MBD5: variants seen among roughly 807,000 people sequenced by gnomAD.
MBD5 encodes methyl-CpG-binding domain protein 5.
MBD5 carries 13 observed loss-of-function variants against 117.3 expected under a neutral mutation model. That is an observed-to-expected ratio of 0.11 (90% CI 0.07 to 0.18). The LOEUF (loss-of-function observed/expected upper bound fraction) is 0.18. Ranked by LOEUF, MBD5 falls within the 10% of genes least tolerant of loss-of-function variation. MBD5 has a pLI of 1.00. For missense variants in MBD5, 1,879 were observed against 2,093.8 expected (o/e 0.90, Z 2.00); for synonymous variants, 727 against 766.4 (o/e 0.95, Z 0.85).
chr2:148,423,229 A>G (rs1266599294), intron 4 of MBD5, among the ~76,000 whole-genome samples: 1 of 152,150 alleles, frequency 6.6e-6, no homozygotes, highest in African/African-American at 2.4e-5. Context: ...CTAACAGCAG[A>G]TCTCTCAGCA....
At chr2:148,382,538 CA>C (rs780125532) in intron 4 of MBD5, among the ~76,000 whole-genome samples, 6 of 152,140 alleles carry the variant, frequency 3.9e-5, no homozygotes, top group Non-Finnish European at 8.8e-5. Context: ...CAACATTAGA[CA>C]GATCAACGAG....
chr2:148,489,550 T>C lies in MBD5; in HGVS notation c.3918T>C (p.Asp1306=), dbSNP rs1004247100. ...CATCTCTTGGTCAACAGGTGAAGGATGGCCTCGTTGTGGGTGGCCCAGGTG... is the reference window on the plus strand; with the variant it reads ...CATCTCTTGGTCAACAGGTGAAGGACGGCCTCGTTGTGGGTGGCCCAGGTG... ...IDPSLGQQVK[D]GLVVGGPGDA... The change falls in exon 11 of 14, where the codon GAT becomes GAC. Residue 1306 remains aspartate (D), a synonymous_variant. Coordinates refer to ENST00000642680, the MANE Select transcript of MBD5 (RefSeq NM_001378120.1). The C allele has an allele frequency of 1.2e-6, 2 of 1,614,098 alleles. No individual in the cohort carries two copies. The highest frequency in any genetic ancestry group is 2.7e-5 in the African/African-American group (2 of 74,932).
At chr2:148,198,585 T>C (rs1267549596) in intron 2 of MBD5, among the ~76,000 whole-genome samples, 11 of 152,128 alleles carry the variant, frequency 7.2e-5, no homozygotes, top group African/African-American at 2.4e-4. Context: ...ATATTAGATA[T>C]AAGCACTTTG....
At chr2:148,052,451 C>G (rs1035652100) in intron 1 of MBD5, among the ~76,000 whole-genome samples, 2 of 152,206 alleles carry the variant, frequency 1.3e-5, no homozygotes, top group African/African-American at 4.8e-5. Context: ...CTCAGGTGAT[C>G]CACCTGCCTT....
At chr2:148,277,918 G>T (rs1306370746) in intron 3 of MBD5, among the ~76,000 whole-genome samples, 1 of 152,144 alleles carries the variant, frequency 6.6e-6, no homozygotes, top group African/African-American at 2.4e-5. Context: ...TTTGCATAAA[G>T]TCAGATCACC....
chr2:148,264,963 C>T (rs963912052), intron 3 of MBD5: 2 of 152,226 alleles, frequency 1.3e-5, no homozygotes, highest in Non-Finnish European at 2.9e-5. Flanking sequence ...AGGAAAGGGA[C>T]TATCCCAGAC....
chr2:148,423,030 T>C (rs1705655262), intron 4 of MBD5, among the ~76,000 whole-genome samples: 1 of 152,014 alleles, frequency 6.6e-6, no homozygotes, highest in African/African-American at 2.4e-5. Flanking sequence ...CAGGAGAACT[T>C]CCCCAACCTA....
At chr2:148,396,937 A>G (rs1263999904) in intron 4 of MBD5, among the ~76,000 whole-genome samples, 1 of 152,128 alleles carries the variant, frequency 6.6e-6, no homozygotes, top group Non-Finnish European at 1.5e-5. Context: ...TTTTGAGCGT[A>G]CTGTCTTTTT....
At chr2:148,064,476 C>T (rs1281509511) in intron 1 of MBD5, among the ~76,000 whole-genome samples, 1 of 152,140 alleles carries the variant, frequency 6.6e-6, no homozygotes, top group Non-Finnish European at 1.5e-5. Flanking sequence ...GTGCCTTCTA[C>T]CAGATGAGAT....
chr2:148,103,097 G>A (rs1038662159), intron 1 of MBD5, among the ~76,000 whole-genome samples: 2 of 152,016 alleles, frequency 1.3e-5, no homozygotes, highest in Non-Finnish European at 2.9e-5. Context: ...TGTTGTCTTA[G>A]AATAAATTCC....
chr2:148,137,929 G>A (rs1216760691), intron 1 of MBD5, among the ~76,000 whole-genome samples: 2 of 152,090 alleles, frequency 1.3e-5, no homozygotes, highest in Non-Finnish European at 2.9e-5. Context: ...ATCATCTGGG[G>A]TTTTTGTAAA....
At chr2:148,056,942 T>A (rs1694882983) in intron 1 of MBD5, among the ~76,000 whole-genome samples, 1 of 151,912 alleles carries the variant, frequency 6.6e-6, no homozygotes, top group African/African-American at 2.4e-5. Context: ...AGTTTATTCT[T>A]TAGATAATAC....
chr2:148,026,252 C>A (rs1202037437), intron 1 of MBD5: 1 of 152,086 alleles, frequency 6.6e-6, no homozygotes, highest in African/African-American at 2.4e-5. Flanking sequence ...CTTTCTAATT[C>A]AAAACACAGT....
At chr2:148,097,611 A>T (rs1406841927) in intron 1 of MBD5, among the ~76,000 whole-genome samples, 1 of 152,176 alleles carries the variant, frequency 6.6e-6, no homozygotes, top group African/African-American at 2.4e-5. Context: ...ATCCCACAGG[A>T]TGTTTTGAAG....
intron 2 of MBD5, among the ~76,000 whole-genome samples, chr2:148,182,534 C>G (rs986234760): frequency 6.6e-6 from 1 of 152,154 alleles, no homozygotes; most frequent in Non-Finnish European, 1.5e-5. Context: ...TAAGATTACA[C>G]TAGCCTTCTA....
rs545034063 is a variant in MBD5 at position 148,483,353 on chromosome 2, C to T, written c.2762C>T (p.Ser921Phe). Residue 921 changes from serine to phenylalanine, a missense_variant, in exon 9 of 14, where the codon TCT (serine) becomes TTT (phenylalanine). Around this residue, in one of 4 missense-constraint regions of MBD5, gnomAD observed 1,666 missense variants for 1,792.2 expected, o/e 0.93. Coordinates refer to ENST00000642680, the MANE Select transcript of MBD5 (RefSeq NM_001378120.1). ...CCCTTGAACCCCAGCCTCCTCAGTT[C>T]TCTACCTATCTCTTTGCCAGTGAAT... ...PHPLNPSLLS[S>F]LPISLPVNQQ... 1 of 1,613,978 alleles carries T rather than the reference C, an allele frequency of 6.2e-7. No homozygotes were observed. Among genetic ancestry groups the T allele is most frequent in the African/African-American group, 1.3e-5 (1 of 74,922 alleles).
intron 1 of MBD5, among the ~76,000 whole-genome samples, chr2:148,142,982 AT>A (rs774070565): frequency 1.2e-4 from 18 of 152,202 alleles, no homozygotes; most frequent in Non-Finnish European, 2.5e-4. Flanking sequence ...TTGACCATTC[AT>A]TTAACCCAAA....
rs2105631080 is a variant in MBD5 at position 148,469,205 on chromosome 2, G to A, written c.1262G>A (p.Ser421Asn). 4 of 1,614,036 alleles carry A rather than the reference G, an allele frequency of 2.5e-6. No individual in the cohort carries two copies. Among genetic ancestry groups the A allele is most frequent in the Non-Finnish European group, 3.4e-6 (4 of 1,179,962 alleles). ...TVKPGHMNHG[S>N]HVQRVQHSAS... ...AAACCTGGTCACATGAATCATGGGA[G>A]TCATGTACAAAGAGTTCAGCATTCA... The change falls in exon 8 of 14, where the codon AGT becomes AAT. Residue 421 changes from serine (S) to asparagine (N), a missense_variant. By Grantham distance (46) the Ser-to-Asn change is conservative. Around this residue, in one of 4 missense-constraint regions of MBD5, gnomAD observed 1,666 missense variants for 1,792.2 expected, o/e 0.93. Coordinates refer to ENST00000642680, the MANE Select transcript of MBD5 (RefSeq NM_001378120.1).
chr2:148,067,182 T>G (rs1249834405), intron 1 of MBD5, among the ~76,000 whole-genome samples: 1 of 152,234 alleles, frequency 6.6e-6, no homozygotes, highest in Non-Finnish European at 1.5e-5. Flanking sequence ...AGTCTCTGAA[T>G]GTTCATCAAT....
Sources: allele counts gnomAD v4.1 joint callset (sites outside exome capture counted in the v4.1 genomes callset), GRCh38; gene constraint gnomAD v4.1.1; regional missense constraint gnomAD v4.1.1; transcripts MANE v1.5; gene names NCBI Gene and HGNC (gene_info 2026-07-23, HGNC 2026-07-21).